The following POM121 variants were observed in gnomAD, a reference collection of about 807,000 sequenced individuals.
POM121 encodes the protein nuclear envelope pore membrane protein POM 121.
In POM121, 32 loss-of-function variants were observed where a neutral mutation model predicts 81.3. The observed-to-expected ratio is 0.39, with a 90% CI of 0.30 to 0.53. The LOEUF (loss-of-function observed/expected upper bound fraction) is 0.53, where lower values mean the gene tolerates loss of function less well. Ranked by LOEUF, POM121 falls within the 20% of genes least tolerant of loss-of-function variation. The probability of loss-of-function intolerance (pLI) is 0.66; values close to 1 mark genes in which losing one functional copy is unlikely to be tolerated. For synonymous variants in POM121, 514 were observed against 694.2 expected, an observed-to-expected ratio of 0.74 and a Z score of 4.08; for missense variants, 1,138 against 1,614.6, an observed-to-expected ratio of 0.70 and a Z score of 5.06.
At chr7:72,935,361 GAC>G (rs1796412138) in intron 5 of POM121, among the ~76,000 whole-genome samples, 1 of 152,082 alleles carries the variant, frequency 6.6e-6, no homozygotes, top group East Asian at 1.9e-4. Flanking sequence ...TTATAATAGA[GAC>G]ACAGTCTCAC....
chr7:72,902,260 T>C (rs1554492759), intron 3 of POM121, among the ~76,000 whole-genome samples: 7 of 146,958 alleles, frequency 4.8e-5, no homozygotes, highest in Non-Finnish European at 4.5e-5. Flanking sequence ...TCTTTCTTTT[T>C]TTTTTTTTTT....
At chr7:72,920,914 A>T (rs1554495921), upstream of POM121, among the ~76,000 whole-genome samples, 1 of 152,116 alleles carries the variant, frequency 6.6e-6, no homozygotes, top group African/African-American at 2.4e-5. Flanking sequence ...ACAGTGGCTC[A>T]TGCCTGTAAT....
chr7:72,882,592 A>C (rs537997720), intron 1 of POM121, among the ~76,000 whole-genome samples: 5 of 152,340 alleles, frequency 3.3e-5, no homozygotes, highest in Admixed American at 3.3e-4. Flanking sequence ...AACTTGGTGC[A>C]TATAATTTTT....
At chr7:72,929,805 C>T (rs1449542713) in intron 4 of POM121, 135 bp from the exon 5 acceptor site, 2 of 1,319,612 alleles carry the variant, frequency 1.5e-6, no homozygotes, top group African/African-American at 3.0e-5. Context: ...TAGATTTGGC[C>T]AGATTGTTAG....
chr7:72,923,486 G>C (rs1401745437), upstream of POM121, among the ~76,000 whole-genome samples: 2 of 151,358 alleles, frequency 1.3e-5, no homozygotes, highest in Non-Finnish European at 2.9e-5. Flanking sequence ...GCAGTGGCAC[G>C]ATCTCGGCTC....
chr7:72,943,362 C>G lies in POM121; in HGVS notation c.3369C>G (p.Thr1123=), dbSNP rs782674702. Reference sequence around the variant, plus strand: ...TGGCCACCCCAGGCTCCAGCACCACCACCGGAGCTTTCAGCTTTGGAGCAG... The same window carrying G: ...TGGCCACCCCAGGCTCCAGCACCACGACCGGAGCTTTCAGCTTTGGAGCAG... ...INVATPGSST[T]TGAFSFGAGQ... The change falls in exon 11 of 13, where the codon ACC becomes ACG. Residue 1123 remains threonine, a synonymous_variant. Transcript: ENST00000434423. 1 of 1,612,996 alleles carries G rather than the reference C, an allele frequency of 6.2e-7. No homozygotes were observed. Among genetic ancestry groups the G allele is most frequent in the Admixed American group, 1.7e-5 (1 of 59,960 alleles).
At chr7:72,923,128 T>A (rs1794983573), upstream of POM121, among the ~76,000 whole-genome samples, 3 of 142,102 alleles carry the variant, frequency 2.1e-5, no homozygotes, top group African/African-American at 7.8e-5. Context: ...CCCCCCCTTT[T>A]TTTTTCAAGT....
rs549839905 is a variant in POM121, at chr7:72,891,038, G to A, written c.-288G>A. The A allele has an allele frequency of 6.3e-6, 5 of 795,864 alleles. No individual in the cohort carries two copies. In the South Asian group the frequency reaches 6.6e-5, roughly 10 times the overall value. 49.3% of individuals were successfully genotyped at this position (795,864 alleles called of 1,614,324 possible). A position where few individuals can be genotyped will look rare whatever the true frequency, so the allele number is the denominator to read the frequency against. ...AAGATATGATATCACCAAGCCAAAC[G>A]TCATCATTAAGTTGGAGCAGGGAGA... On this transcript the variant is annotated 5_prime_UTR_variant, in exon 3 of 16. Coordinates refer to the POM121 transcript ENST00000395270.
downstream of POM121, chr7:72,950,309 G>A (rs1194159752): frequency 2.4e-5 from 23 of 955,430 alleles, no homozygotes; most frequent in Non-Finnish European, 3.4e-5. Context: ...AAATCAACAG[G>A]GTGATAAGGG....
At chr7:72,914,363 T>A (rs1554494784) in intron 4 of POM121, among the ~76,000 whole-genome samples, 1 of 150,456 alleles carries the variant, frequency 6.6e-6, no homozygotes, top group African/African-American at 2.4e-5. Flanking sequence ...AAGCCAGGCC[T>A]GTTGGAATCA....
chr7:72,903,301 G>A (rs1170009506), intron 3 of POM121, among the ~76,000 whole-genome samples: 4 of 152,264 alleles, frequency 2.6e-5, no homozygotes, highest in South Asian at 2.1e-4. Context: ...GCCGGACATG[G>A]TGGTATGCGC....
downstream of POM121, chr7:72,949,547 C>G: frequency 1.3e-6 from 1 of 757,810 alleles, no homozygotes; most frequent in Non-Finnish European, 2.3e-6. Context: ...AGCTAAGGGC[C>G]TGTCACAGCT....
chr7:72,930,349 G>C (rs1350851830), intron 5 of POM121, among the ~76,000 whole-genome samples: 1 of 152,210 alleles, frequency 6.6e-6, no homozygotes, highest in East Asian at 1.9e-4. Flanking sequence ...AAGGTTTACT[G>C]ATCACCTTCT....
chr7:72,930,239 G>C (rs1563159337), intron 5 of POM121, 128 bp downstream of exon 5: 1 of 1,287,028 alleles, frequency 7.8e-7, no homozygotes, highest in African/African-American at 1.5e-5. Flanking sequence ...AGGATTGCTT[G>C]AGCCCAGGAG....
intron 5 of POM121, 39 bp from the exon 6 acceptor site, chr7:72,938,551 G>A (rs781961367): frequency 6.3e-7 from 1 of 1,594,116 alleles, no homozygotes; most frequent in African/African-American, 1.3e-5. Flanking sequence ...CAGATGCTAA[G>A]TTATCAGCAG....
rs185779575 is a variant in POM121, at chr7:72,905,597, A to G, written c.-215-8168A>G. On this transcript the variant is annotated intron_variant, in intron 3 of 15. Transcript: ENST00000395270. ...TGCCTGTAATCCCAGCTACTCAGGA[A>G]GCTGAGGCAGGAAAATTTCTTGAAC... Among the ~76,000 whole-genome samples the G allele has an allele frequency of 6.0e-3, 919 of 152,298 alleles. 1 individual carries two copies. The highest frequency in any genetic ancestry group is 9.8e-3 in the Non-Finnish European group (668 of 68,026).
At chr7:72,929,461 G>A (rs1554498152) in intron 4 of POM121, among the ~76,000 whole-genome samples, 4 of 152,168 alleles carry the variant, frequency 2.6e-5, no homozygotes, top group African/African-American at 9.7e-5. Context: ...TGGAGGTTTA[G>A]TAAAATGATG....
chr7:72,886,436 A>C (rs562136084), intron 1 of POM121, among the ~76,000 whole-genome samples: 2 of 152,180 alleles, frequency 1.3e-5, no homozygotes, highest in Non-Finnish European at 2.9e-5. Flanking sequence ...AGCCGCCCAA[A>C]GTGCTGGGAT....
At chr7:72,931,147 TAA>T (rs781983894) in intron 5 of POM121, among the ~76,000 whole-genome samples, 8 of 152,138 alleles carry the variant, frequency 5.3e-5, no homozygotes, top group Non-Finnish European at 8.8e-5. Context: ...CTTAATAATT[TAA>T]GAGGGATAAT....
Sources: allele counts gnomAD v4.1 joint callset (sites outside exome capture counted in the v4.1 genomes callset), GRCh38; gene constraint gnomAD v4.1.1; transcripts MANE v1.5; gene names NCBI Gene and HGNC (gene_info 2026-07-23, HGNC 2026-07-21).